Variants in NKAPD1 observed in about 807,000 individuals in gnomAD.
NKAPD1 encodes the protein uncharacterized protein NKAPD1.
Under a neutral mutation model 30.9 loss-of-function variants are expected in NKAPD1, and 12 were observed. The ratio of observed to expected loss-of-function variants is 0.39; its 90% CI spans 0.25 to 0.63. The LOEUF (loss-of-function observed/expected upper bound fraction) is 0.63, where lower values mean the gene tolerates loss of function less well. Ranked by LOEUF, NKAPD1 falls within the 20% of genes least tolerant of loss-of-function variation. The pLI is 0.51. For missense variants in NKAPD1, 311 were observed against 344.5 expected (o/e 0.90, Z 0.77); for synonymous variants, 91 against 113.6 (o/e 0.80, Z 1.26).
rs1865505784 is a variant in NKAPD1 at position 112,083,417 on chromosome 11, C to T, written c.*445C>T. Reference sequence around the variant, plus strand: ...CTCTCTGTTTATATAGCAGGTGTCACAACTAACTTGTCTTTAGCCTTGGTG... The same window carrying T: ...CTCTCTGTTTATATAGCAGGTGTCATAACTAACTTGTCTTTAGCCTTGGTG... On this transcript the variant is annotated 3_prime_UTR_variant, in exon 6 of 6. Transcript: ENST00000393047. 1 of 153,718 alleles carries T rather than the reference C, an allele frequency of 6.5e-6. No homozygotes were observed. The highest frequency in any genetic ancestry group is 6.5e-5 in the Admixed American group (1 of 15,384). The allele number at this position is 153,718 out of a possible 1,614,324, so 9.5% of individuals were successfully genotyped here.
chr11:112,075,819 G>A, intron 2 of NKAPD1, 176 bp downstream of exon 2: 1 of 640,712 alleles, frequency 1.6e-6, no homozygotes, highest in Non-Finnish European at 2.6e-6. Flanking sequence ...AATACAGTTT[G>A]ATAAGTACTG....
At position 112,082,449 on chromosome 11, in the gene NKAPD1, T is replaced by A; in HGVS notation, c.375-16T>A. On this transcript the variant is annotated splice_polypyrimidine_tract_variant and intron_variant, in intron 5 of 5. Coordinates refer to ENST00000393047, the MANE Select transcript of NKAPD1 (RefSeq NM_018195.4). Reference sequence around the variant, plus strand: ...TTTTTACATAAAAGCTTCTATTTTTTAACTTTTCTTATTAGTAGTGATCAG... The same window carrying A: ...TTTTTACATAAAAGCTTCTATTTTTAAACTTTTCTTATTAGTAGTGATCAG... 7.3e-6 allele frequency: 11 copies of A among 1,503,898 alleles called. No individual in the cohort carries two copies. The highest frequency in any genetic ancestry group is 1.4e-5 in the South Asian group (1 of 71,888). 93.2% of individuals were successfully genotyped at this position (1,503,898 alleles called of 1,614,324 possible).
chr11:112,082,595 A>G lies in NKAPD1; in HGVS notation c.505A>G (p.Lys169Glu). The G allele has an allele frequency of 2.5e-6, 4 of 1,613,476 alleles. No individual in the cohort carries two copies. Among genetic ancestry groups the G allele is most frequent in the Non-Finnish European group, 3.4e-6 (4 of 1,179,926 alleles). ...AAAGCAGAAAAAAAGGTCACACAAA[A>G]AACAGAAGAAAAGCAAAAAGGAAGC... ...KKKQKKRSHKKQKKSKKEATD... is the reference protein window; with the variant it reads ...KKKQKKRSHKEQKKSKKEATD... Residue 169 changes from lysine (K) to glutamate (E), a missense_variant, in exon 6 of 6, where the codon AAA (lysine) becomes GAA (glutamate). Coordinates refer to ENST00000393047, the MANE Select transcript of NKAPD1 (RefSeq NM_018195.4).
rs1020023524 is a variant in NKAPD1, at chr11:112,083,938, C to G, written c.*966C>G. 2 of 152,552 alleles carry G rather than the reference C, an allele frequency of 1.3e-5. No homozygotes were observed. Among genetic ancestry groups the G allele is most frequent in the Non-Finnish European group, 2.9e-5 (2 of 68,028 alleles). 9.4% of individuals were successfully genotyped at this position (152,552 alleles called of 1,614,324 possible). On this transcript the variant is annotated 3_prime_UTR_variant, in exon 6 of 6. Coordinates refer to ENST00000393047, the MANE Select transcript of NKAPD1 (RefSeq NM_018195.4). ...TTCCCAGTCTGCCTTTGGATTAAAGCACCAAGCAGAGACCACATTAATTCC... is the reference window on the plus strand; with the variant it reads ...TTCCCAGTCTGCCTTTGGATTAAAGGACCAAGCAGAGACCACATTAATTCC...
Position 112,080,529 on chromosome 11 carries a change from CTA to C in NKAPD1, c.293_294del (p.Tyr98Ter), listed in dbSNP as rs1167141863. On this transcript the variant is annotated frameshift_variant, in exon 4 of 6. Coordinates refer to ENST00000393047, the MANE Select transcript of NKAPD1 (RefSeq NM_018195.4). LOFTEE classifies it high-confidence loss of function. ...AGGCTAAATCCTGGAATAAAAAGTT[CTA>C]TGATTATGAAGCAAACATGCCAGAC... is the stretch of plus-strand genomic sequence containing the variant. ...LKAKSWNKKF[Y>X]DYEANMPDRW... The C allele has an allele frequency of 1.2e-6, 2 of 1,613,770 alleles. No homozygotes were observed. The highest frequency in any genetic ancestry group is 1.7e-6 in the Non-Finnish European group (2 of 1,179,990).
At position 112,085,025 on chromosome 11, in the gene NKAPD1, G is replaced by C. The variant is rs1422765310; in HGVS notation, c.*2053G>C. On this transcript the variant is annotated 3_prime_UTR_variant, in exon 6 of 6. Coordinates refer to ENST00000393047, the MANE Select transcript of NKAPD1 (RefSeq NM_018195.4). ...TTATTTCTAGTGTTCCTGCCAATCA[G>C]AGATCTCTATATTAAATTCTAAAAT... 9 of 291,810 alleles carry C rather than the reference G, an allele frequency of 3.1e-5. No homozygotes were observed. The highest frequency in any genetic ancestry group is 4.5e-5 in the Non-Finnish European group (7 of 157,216). 18.1% of individuals were successfully genotyped at this position (291,810 alleles called of 1,614,324 possible).
At chr11:112,078,585 A>C (rs1274865083) in intron 3 of NKAPD1, among the ~76,000 whole-genome samples, 1 of 152,210 alleles carries the variant, frequency 6.6e-6, no homozygotes, top group Non-Finnish European at 1.5e-5. Context: ...CTTACCTGAT[A>C]GCTTTTAACT....
At chr11:112,080,264 T>G in intron 3 of NKAPD1, 145 bp from the exon 4 acceptor site, 1 of 825,940 alleles carries the variant, frequency 1.2e-6, no homozygotes. Context: ...AGATAATGTC[T>G]TTGCCTTTTT....
In NKAPD1 at chr11:112,084,559, TA is replaced by T. The variant is rs1865534898; in HGVS notation, c.*1590del. ...AGTCTCTAATTACTACCTCTTAACCTAAAGCAATTATTTTGTTCCTGGAGCA... is the reference window on the plus strand; with the variant it reads ...AGTCTCTAATTACTACCTCTTAACCTAAGCAATTATTTTGTTCCTGGAGCA... On this transcript the variant is annotated 3_prime_UTR_variant, in exon 6 of 6. Transcript: ENST00000393047. 6.6e-6 allele frequency: 1 copy of T among 152,662 alleles called. No individual in the cohort carries two copies. The highest frequency in any genetic ancestry group is 1.5e-5 in the Non-Finnish European group (1 of 68,052). The allele number at this position is 152,662 out of a possible 1,614,324, so 9.5% of individuals were successfully genotyped here.
rs1865253863 is a variant in NKAPD1 at position 112,074,307 on chromosome 11, C to T, written c.-618C>T. On this transcript the variant is annotated 5_prime_UTR_variant, in exon 1 of 6. Coordinates refer to ENST00000393047, the MANE Select transcript of NKAPD1 (RefSeq NM_018195.4). ...GAAAAGGAAGTCTCCTCCTTTTTCTCCCAAACCACTTCTTCCCCCCTACCC... is the reference window on the plus strand; with the variant it reads ...GAAAAGGAAGTCTCCTCCTTTTTCTTCCAAACCACTTCTTCCCCCCTACCC... The T allele has an allele frequency of 2.5e-6, 1 of 399,132 alleles. No individual in the cohort carries two copies. The highest frequency in any genetic ancestry group is 4.4e-6 in the Non-Finnish European group (1 of 226,278). The allele number at this position is 399,132 out of a possible 1,614,324, so 24.7% of individuals were successfully genotyped here.
chr11:112,076,418 A>G (rs931838179), intron 2 of NKAPD1, among the ~76,000 whole-genome samples: 6 of 152,120 alleles, frequency 3.9e-5, no homozygotes, highest in Non-Finnish European at 5.9e-5. Flanking sequence ...ATTAGATTAT[A>G]ATGATAAGAA....
intron 4 of NKAPD1, chr11:112,081,656 A>C: frequency 4.2e-6 from 1 of 237,500 alleles, no homozygotes; most frequent in Non-Finnish European, 8.1e-6. Context: ...AATTGTCCCC[A>C]TGTAGACAGC....
At chr11:112,075,129 TG>T (rs1330108234) in intron 1 of NKAPD1, among the ~76,000 whole-genome samples, 1 of 152,268 alleles carries the variant, frequency 6.6e-6, no homozygotes, top group East Asian at 1.9e-4. Flanking sequence ...TCTACGTATT[TG>T]CTTCAGTGCA....
rs181464331 is a variant in NKAPD1, at chr11:112,080,480, G to C, written c.242G>C (p.Gly81Ala). 1 of 1,613,926 alleles carries C rather than the reference G, an allele frequency of 6.2e-7. No individual in the cohort carries two copies. The highest frequency in any genetic ancestry group is 1.1e-5 in the South Asian group (1 of 91,068). ...YYWRPKNEISGTLEDDFLKAK... is the reference protein window; with the variant it reads ...YYWRPKNEISATLEDDFLKAK... ...TGGAGGCCAAAGAATGAAATTTCTG[G>C]GACACTGGAAGATGATTTTCTTAAG... The change falls in exon 4 of 6, where the codon GGG becomes GCG. Residue 81 changes from glycine (G) to alanine (A), a missense_variant. Coordinates refer to ENST00000393047, the MANE Select transcript of NKAPD1 (RefSeq NM_018195.4).
rs570617545 is a variant in NKAPD1, at chr11:112,077,482, T to C, written c.70-733T>C. ...GACCTGTCCTTACTAGTTTTTTGAC[T>C]TTGTTAAAATCTCTGAGCTTTTGTT... On this transcript the variant is annotated intron_variant, in intron 2 of 5. Coordinates refer to ENST00000393047, the MANE Select transcript of NKAPD1 (RefSeq NM_018195.4). Among the ~76,000 whole-genome samples the C allele has an allele frequency of 1.1e-4, 16 of 152,346 alleles. No homozygotes were observed. In the South Asian group the frequency reaches 3.3e-3, roughly 32 times the overall value.
intron 2 of NKAPD1, among the ~76,000 whole-genome samples, chr11:112,077,198 C>G (rs1427673074): frequency 6.6e-6 from 1 of 152,150 alleles, no homozygotes; most frequent in Non-Finnish European, 1.5e-5. Context: ...AACTGTTACC[C>G]GAGCTGCCTA....
intron 3 of NKAPD1, among the ~76,000 whole-genome samples, chr11:112,079,941 T>A (rs1178116693): frequency 6.6e-6 from 1 of 152,154 alleles, no homozygotes; most frequent in South Asian, 2.1e-4. Flanking sequence ...GCCTTCCAAG[T>A]AGCTGGGACT....
Position 112,082,753 on chromosome 11 carries a change from C to T in NKAPD1, c.663C>T (p.Phe221=). Residue 221 remains phenylalanine (F), a synonymous_variant, in exon 6 of 6, where the codon TTC becomes TTT. Coordinates refer to ENST00000393047, the MANE Select transcript of NKAPD1 (RefSeq NM_018195.4). ...AGTCTCTCAAAAAACCTGCTTTATT[C>T]TTAGAGGCAGAAAGTAACACTTCAC... ...RKKSLKKPAL[F]LEAESNTSHS... The T allele has an allele frequency of 6.2e-7, 1 of 1,613,902 alleles. No individual in the cohort carries two copies.
rs1169160100 is a variant in NKAPD1, at chr11:112,074,330, C to T, written c.-595C>T. ...CTCCCAAACCACTTCTTCCCCCCTA[C>T]CCCCCGCCACGCGAGGCTGCGGCGC... On this transcript the variant is annotated 5_prime_UTR_variant, in exon 1 of 6. Transcript: ENST00000393047. 1.8e-5 allele frequency: 7 copies of T among 398,960 alleles called. No individual in the cohort carries two copies. Among genetic ancestry groups the T allele is most frequent in the African/African-American group, 6.2e-5 (3 of 48,650 alleles). The allele number at this position is 398,960 out of a possible 1,614,324, so 24.7% of individuals were successfully genotyped here. A position where few individuals can be genotyped will look rare whatever the true frequency, so the allele number is the denominator to read the frequency against.
Sources: allele counts gnomAD v4.1 joint callset (sites outside exome capture counted in the v4.1 genomes callset), GRCh38; gene constraint gnomAD v4.1.1; transcripts MANE v1.5; gene names NCBI Gene and HGNC (gene_info 2026-07-23, HGNC 2026-07-21).